Variants in DSCAM observed in about 807,000 individuals in gnomAD.
The protein encoded by DSCAM is DS cell adhesion molecule.
DSCAM carries 47 observed loss-of-function variants against 217.7 expected under a neutral mutation model. The ratio of observed to expected loss-of-function variants is 0.22; its 90% confidence interval spans 0.17 to 0.28. DSCAM has a LOEUF of 0.28. DSCAM is among the 10% of genes least tolerant of loss of function. DSCAM has a pLI of 1.00. For missense variants in DSCAM, 2,080 were observed against 2,618.3 expected (o/e 0.79, Z 4.49); for synonymous variants, 1,056 against 1,015.3 (o/e 1.04, Z -0.76).
At chr21:40,312,457 C>T in intron 8 of DSCAM, 98 bp from the exon 9 acceptor site, 1 of 1,353,618 alleles carries the variant, frequency 7.4e-7, no homozygotes, top group Non-Finnish European at 1.0e-6. Flanking sequence ...TACAGACGAT[C>T]ATAGATACAG....
chr21:40,805,660 C>G (rs531411116), intron 1 of DSCAM, among the ~76,000 whole-genome samples: 3 of 151,820 alleles, frequency 2.0e-5, no homozygotes, highest in African/African-American at 7.3e-5. Flanking sequence ...TGACACTCAG[C>G]CCATACCATA....
chr21:40,547,576 G>A (rs2076593687), intron 3 of DSCAM, among the ~76,000 whole-genome samples: 1 of 152,128 alleles, frequency 6.6e-6, no homozygotes, highest in South Asian at 2.1e-4. Flanking sequence ...ACGCAAAGTA[G>A]GTTTTAGGAG....
At chr21:40,481,420 G>A (rs2145988077) in intron 3 of DSCAM, among the ~76,000 whole-genome samples, 1 of 150,632 alleles carries the variant, frequency 6.6e-6, no homozygotes, top group African/African-American at 2.5e-5. Context: ...AACCCGGGAG[G>A]CAAAGCTTGC....
At chr21:40,493,354 A>T (rs960224419) in intron 3 of DSCAM, among the ~76,000 whole-genome samples, 1 of 152,188 alleles carries the variant, frequency 6.6e-6, no homozygotes, top group Non-Finnish European at 1.5e-5. Flanking sequence ...GGCTGAAAGA[A>T]CATTAATAAA....
intron 8 of DSCAM, among the ~76,000 whole-genome samples, chr21:40,323,113 T>C (rs1335656274): frequency 6.6e-6 from 1 of 152,160 alleles, no homozygotes; most frequent in East Asian, 1.9e-4. Context: ...AGGACAACCC[T>C]GAAGGACTGT....
At chr21:40,448,595 T>C (rs969971789) in intron 3 of DSCAM, among the ~76,000 whole-genome samples, 1 of 151,944 alleles carries the variant, frequency 6.6e-6, no homozygotes, top group Admixed American at 6.6e-5. Flanking sequence ...TATTTATCTA[T>C]AATAAATCAA....
At chr21:40,365,148 C>T (rs1028882039) in intron 4 of DSCAM, among the ~76,000 whole-genome samples, 1 of 151,876 alleles carries the variant, frequency 6.6e-6, no homozygotes, top group African/African-American at 2.4e-5. Context: ...AGTATTGTTC[C>T]TGGGTGTGTC....
At position 40,805,567 on chromosome 21, in the gene DSCAM, G is replaced by A. The variant is rs985795442; in HGVS notation, c.43+41052C>T. Among the ~76,000 whole-genome samples the A allele has an allele frequency of 1.7e-4, 26 of 152,238 alleles. No individual in the cohort carries two copies. In the East Asian group the frequency reaches 2.7e-3, roughly 16 times the overall value. ...TCCCCTTCCAGGTTCTGGGAATTACGCCATGACCCCTTGACCCCTCCAGGC... is the reference window on the plus strand; with the variant it reads ...TCCCCTTCCAGGTTCTGGGAATTACACCATGACCCCTTGACCCCTCCAGGC... On this transcript the variant is annotated intron_variant, in intron 1 of 32. Coordinates refer to ENST00000400454, the MANE Select transcript of DSCAM (RefSeq NM_001389.5).
At chr21:40,780,431 A>G (rs1203008029) in intron 1 of DSCAM, among the ~76,000 whole-genome samples, 9 of 139,064 alleles carry the variant, frequency 6.5e-5, no homozygotes, top group African/African-American at 1.8e-4. Flanking sequence ...GTGTATATAT[A>G]TATATATATA....
intron 3 of DSCAM, among the ~76,000 whole-genome samples, chr21:40,565,492 T>C (rs1273080974): frequency 6.6e-6 from 1 of 152,138 alleles, no homozygotes; most frequent in Non-Finnish European, 1.5e-5. Flanking sequence ...GTCATAGAAA[T>C]AGGTCACACA....
At chr21:40,414,705 C>CA (rs2075354719) in intron 3 of DSCAM, among the ~76,000 whole-genome samples, 1 of 152,124 alleles carries the variant, frequency 6.6e-6, no homozygotes. Flanking sequence ...AGGTATGTCT[C>CA]AAAAATCACA....
At chr21:40,259,987 A>G (rs1348749281) in intron 11 of DSCAM, among the ~76,000 whole-genome samples, 1 of 151,916 alleles carries the variant, frequency 6.6e-6, no homozygotes, top group Non-Finnish European at 1.5e-5. Flanking sequence ...TCGGCCTCCC[A>G]AAGTGCTGGG....
At chr21:40,135,819 T>C (rs780100025) in intron 18 of DSCAM, among the ~76,000 whole-genome samples, 2 of 152,244 alleles carry the variant, frequency 1.3e-5, no homozygotes, top group Non-Finnish European at 2.9e-5. Context: ...AAAAGATCAA[T>C]GTGGAACGGA....
At chr21:40,223,352 G>A (rs1310981537) in intron 11 of DSCAM, among the ~76,000 whole-genome samples, 2 of 152,184 alleles carry the variant, frequency 1.3e-5, no homozygotes, top group Admixed American at 6.5e-5. Context: ...CGTTGAACTT[G>A]CCATCATCAC....
intron 1 of DSCAM, among the ~76,000 whole-genome samples, chr21:40,736,840 A>T (rs1361972677): frequency 1.3e-5 from 2 of 152,134 alleles, no homozygotes; most frequent in African/African-American, 4.8e-5. Context: ...ATTCTTTTTA[A>T]TTTTACTTAA....
chr21:40,063,230 G>C (rs1177451654), intron 27 of DSCAM, among the ~76,000 whole-genome samples: 1 of 152,020 alleles, frequency 6.6e-6, no homozygotes, highest in Non-Finnish European at 1.5e-5. Flanking sequence ...AACATTTTGA[G>C]GGTATATCAT....
Position 40,503,795 on chromosome 21 carries a change from T to G in DSCAM, c.509-134550A>C, listed in dbSNP as rs570569668. Among the ~76,000 whole-genome samples the G allele has an allele frequency of 4.6e-5, 7 of 152,368 alleles. No individual in the cohort carries two copies. In the East Asian group the frequency reaches 1.3e-3, roughly 29 times the overall value. On this transcript the variant is annotated intron_variant, in intron 3 of 32. Coordinates refer to ENST00000400454, the MANE Select transcript of DSCAM (RefSeq NM_001389.5). ...CTGATTTTCATGTATTTGTTTGATT[T>G]GGTTTTGGTTTTAGTTTTGGCTGGA...
At chr21:40,693,055 A>G (rs775942385) in intron 2 of DSCAM, 99 bp from the exon 3 acceptor site, 259 of 1,300,430 alleles carry the variant, frequency 2.0e-4, no homozygotes, top group Non-Finnish European at 2.6e-4. Flanking sequence ...ACACACATCA[A>G]TTGCATAACA....
intron 28 of DSCAM, 81 bp from the exon 29 acceptor site, chr21:40,055,921 A>C: frequency 9.9e-7 from 1 of 1,005,560 alleles, no homozygotes; most frequent in Non-Finnish European, 1.6e-6. Flanking sequence ...ATACCAACTT[A>C]GTTTATTGTC....
Sources: allele counts gnomAD v4.1 joint callset (sites outside exome capture counted in the v4.1 genomes callset), GRCh38; gene constraint gnomAD v4.1.1; transcripts MANE v1.5; gene names NCBI Gene and HGNC (gene_info 2026-07-23, HGNC 2026-07-21).